MYO5B: variants seen among roughly 807,000 people sequenced by gnomAD.
MYO5B encodes the protein unconventional myosin-Vb.
Under a neutral mutation model 229.3 loss-of-function variants are expected in MYO5B, and 143 were observed. The observed-to-expected ratio is 0.62, with a 90% confidence interval of 0.54 to 0.72. The LOEUF (loss-of-function observed/expected upper bound fraction) is 0.72. Ranked by LOEUF, MYO5B falls within the 30% of genes least tolerant of loss-of-function variation. The pLI is 0.00. For missense variants in MYO5B, 2,321 were observed against 2,331.0 expected (o/e 1.00, Z 0.09); for synonymous variants, 918 against 885.2 (o/e 1.04, Z -0.66).
At chr18:49,847,397 G>A (rs1408199179) in intron 32 of MYO5B, 108 bp from the exon 33 acceptor site, 18 of 1,375,398 alleles carry the variant, frequency 1.3e-5, no homozygotes, top group African/African-American at 2.9e-5. Context: ...AGGGGAAGGG[G>A]CATCTCTGGC....
At chr18:50,113,183 G>A (rs4939941) in intron 1 of MYO5B, among the ~76,000 whole-genome samples, 6,271 of 151,286 alleles carry the variant, frequency 0.041, 421 homozygotes, top group Admixed American at 0.18. Context: ...TATTTGCTCA[G>A]TACCTGTAGT....
At chr18:50,188,589 C>A (rs925967185) in intron 1 of MYO5B, among the ~76,000 whole-genome samples, 1 of 151,942 alleles carries the variant, frequency 6.6e-6, no homozygotes, top group Non-Finnish European at 1.5e-5. Context: ...GAGATTGAGA[C>A]CATCCTGGCC....
At chr18:49,871,679 T>C (rs1015173650) in intron 27 of MYO5B, 6 of 226,494 alleles carry the variant, frequency 2.6e-5, no homozygotes, top group African/African-American at 6.7e-5. Context: ...CCAGAGTTAT[T>C]TGTAGTCCTG....
chr18:50,164,045 G>A (rs2032808364), intron 1 of MYO5B, among the ~76,000 whole-genome samples: 1 of 152,148 alleles, frequency 6.6e-6, no homozygotes, highest in South Asian at 2.1e-4. Context: ...TATTTCAAGG[G>A]AATTAAGTGT....
intron 7 of MYO5B, among the ~76,000 whole-genome samples, chr18:49,985,515 G>A (rs576022980): frequency 6.6e-6 from 1 of 152,254 alleles, no homozygotes; most frequent in Admixed American, 6.5e-5. Context: ...CCTACAAAGA[G>A]GACGGCAGAA....
chr18:49,953,083 C>T (rs2025446790), intron 14 of MYO5B, among the ~76,000 whole-genome samples, 177 bp downstream of exon 14: 1 of 152,138 alleles, frequency 6.6e-6, no homozygotes, highest in Admixed American at 6.5e-5. Context: ...AGATTGGACA[C>T]ATTCACAGTG....
At chr18:50,024,108 A>G (rs1454974521) in intron 4 of MYO5B, among the ~76,000 whole-genome samples, 2 of 152,228 alleles carry the variant, frequency 1.3e-5, no homozygotes. Flanking sequence ...TCAGGTAATT[A>G]TGATGGATTA....
intron 10 of MYO5B, among the ~76,000 whole-genome samples, chr18:49,965,447 ACTTCTTTT>A (rs200754135): frequency 9.7e-6 from 1 of 103,126 alleles, no homozygotes; most frequent in Admixed American, 1.2e-4. Context: ...ATACAAACAC[ACTTCTTTT>A]CACACACACA....
intron 14 of MYO5B, 134 bp downstream of exon 14, chr18:49,953,126 G>C: frequency 1.3e-6 from 1 of 780,198 alleles, no homozygotes; most frequent in Non-Finnish European, 2.2e-6. Context: ...ATACCGAAAT[G>C]ACCAACAAAC....
intron 1 of MYO5B, among the ~76,000 whole-genome samples, chr18:50,103,155 G>A (rs1171618677): frequency 6.6e-6 from 1 of 152,226 alleles, no homozygotes; most frequent in Non-Finnish European, 1.5e-5. Flanking sequence ...CACTTTGTGG[G>A]CAAAGCTCTC....
intron 19 of MYO5B, among the ~76,000 whole-genome samples, chr18:49,906,102 G>A (rs776439934): frequency 6.6e-6 from 1 of 152,176 alleles, no homozygotes; most frequent in Non-Finnish European, 1.5e-5. Flanking sequence ...TTTCCTAAAA[G>A]GAGTTAGTTT....
intron 1 of MYO5B, among the ~76,000 whole-genome samples, chr18:50,055,818 A>G (rs1371506113): frequency 6.6e-6 from 1 of 152,250 alleles, no homozygotes; most frequent in African/African-American, 2.4e-5. Flanking sequence ...TTCTGCATTC[A>G]GAGAAAAAGT....
intron 1 of MYO5B, among the ~76,000 whole-genome samples, chr18:50,126,270 T>C (rs1029598022): frequency 1.3e-5 from 2 of 152,214 alleles, no homozygotes; most frequent in African/African-American, 4.8e-5. Flanking sequence ...TCCTTTACTA[T>C]AATGCTTATT....
chr18:49,869,556 A>AT (rs1055554840), intron 27 of MYO5B, among the ~76,000 whole-genome samples: 1 of 152,196 alleles, frequency 6.6e-6, no homozygotes, highest in African/African-American at 2.4e-5. Flanking sequence ...ACAAATGTTT[A>AT]TTGCGCCCTC....
At chr18:50,194,148 G>A (rs1400999177) in intron 1 of MYO5B, among the ~76,000 whole-genome samples, 8 of 152,204 alleles carry the variant, frequency 5.3e-5, no homozygotes, top group Admixed American at 3.3e-4. Flanking sequence ...CGGAGATAAC[G>A]GCGCACCCCT....
Position 49,881,576 on chromosome 18 carries a change from G to T in MYO5B, c.3046-1121C>A, listed in dbSNP as rs190288773. The stretch of plus-strand genomic sequence containing the variant: ...CCAGCACTTTGGGAGGCTGAGGCAG[G>T]CAGATCATGAGGTCAAGTGATCGAG... On this transcript the variant is annotated intron_variant, in intron 22 of 39. Transcript: ENST00000285039. Among the ~76,000 whole-genome samples, 30 of 152,270 alleles carry T rather than the reference G, an allele frequency of 2.0e-4. No homozygotes were observed. In the East Asian group the frequency reaches 4.2e-3, roughly 22 times the overall value.
intron 1 of MYO5B, among the ~76,000 whole-genome samples, chr18:50,059,652 TGAACCC>T (rs1340581882): frequency 1.3e-5 from 2 of 152,218 alleles, no homozygotes; most frequent in African/African-American, 4.8e-5. Context: ...CAGAATGAAG[TGAACCC>T]CCTGTTCTGT....
chr18:49,833,865 C>A (rs1440786385), intron 39 of MYO5B, among the ~76,000 whole-genome samples: 1 of 152,208 alleles, frequency 6.6e-6, no homozygotes, highest in African/African-American at 2.4e-5. Context: ...GCGCCACCCA[C>A]AACCCCATTG....
chr18:50,042,935 G>T lies in MYO5B; in HGVS notation c.139-2621C>A, dbSNP rs573733059. Among the ~76,000 whole-genome samples, 8 of 152,266 alleles carry T rather than the reference G, an allele frequency of 5.3e-5. No homozygotes were observed. The South Asian group carries it at 1.7e-3, about 32-fold the overall frequency. Reference sequence around the variant, plus strand: ...CGGCTTCAACTCCTGAGGCAGAAATGCTGGCCTCCTCTAGATTCTCAGATG... The same window carrying T: ...CGGCTTCAACTCCTGAGGCAGAAATTCTGGCCTCCTCTAGATTCTCAGATG... On this transcript the variant is annotated intron_variant, in intron 2 of 39. Transcript: ENST00000285039.
Sources: allele counts gnomAD v4.1 joint callset (sites outside exome capture counted in the v4.1 genomes callset), GRCh38; gene constraint gnomAD v4.1.1; transcripts MANE v1.5; gene names NCBI Gene and HGNC (gene_info 2026-07-23, HGNC 2026-07-21).